MTUS2: variants seen among roughly 807,000 people sequenced by gnomAD.
MTUS2 encodes microtubule-associated tumor suppressor candidate 2.
A neutral mutation model predicts 114.1 loss-of-function variants in MTUS2; 40 were observed. That is an observed-to-expected ratio of 0.35 (90% CI 0.27 to 0.46). The LOEUF is 0.46. Ranked by LOEUF, MTUS2 falls within the 20% of genes least tolerant of loss-of-function variation. The pLI is 1.00. For synonymous variants in MTUS2, 688 were observed against 672.0 expected (o/e 1.02, Z -0.37); for missense variants, 1,679 against 1,705.4 (o/e 0.98, Z 0.27).
At chr13:29,101,936 C>T (rs1890436180) in intron 5 of MTUS2, among the ~76,000 whole-genome samples, 1 of 152,184 alleles carries the variant, frequency 6.6e-6, no homozygotes, top group African/African-American at 2.4e-5. Context: ...AAATTTTGGT[C>T]TACCTAGTTA....
chr13:29,423,258 C>T (rs1373214987), intron 8 of MTUS2, among the ~76,000 whole-genome samples: 4 of 152,234 alleles, frequency 2.6e-5, no homozygotes, highest in Non-Finnish European at 4.4e-5. Flanking sequence ...GACATTTTGT[C>T]TATGGGAAGG....
chr13:28,959,069 T>C (rs1055357668), intron 2 of MTUS2, among the ~76,000 whole-genome samples: 2 of 152,080 alleles, frequency 1.3e-5, no homozygotes, highest in African/African-American at 2.4e-5. Flanking sequence ...GCTTCTTGCC[T>C]CATCTGTCTC....
chr13:29,254,781 CTCTG>C (rs1566093286), intron 5 of MTUS2, among the ~76,000 whole-genome samples: 1 of 152,198 alleles, frequency 6.6e-6, no homozygotes. Flanking sequence ...ACACTGCCAG[CTCTG>C]ATTACATCCA....
chr13:29,468,571 A>G (rs1013186864), intron 9 of MTUS2, among the ~76,000 whole-genome samples: 4 of 149,620 alleles, frequency 2.7e-5, no homozygotes, highest in African/African-American at 1.0e-4. Flanking sequence ...ACAGGGTGAG[A>G]CCCTGTCTCA....
At chr13:28,981,327 A>G (rs752788742) in intron 2 of MTUS2, among the ~76,000 whole-genome samples, 1 of 152,242 alleles carries the variant, frequency 6.6e-6, no homozygotes, top group African/African-American at 2.4e-5. Flanking sequence ...GTATGATTTT[A>G]TTCATAAAGA....
intron 2 of MTUS2, among the ~76,000 whole-genome samples, chr13:28,915,611 G>A (rs181534660): frequency 6.6e-6 from 1 of 151,886 alleles, no homozygotes; most frequent in Admixed American, 6.6e-5. Flanking sequence ...GAAAAATGTT[G>A]ATTCAGGTCT....
chr13:29,457,403 T>C (rs1053376149), intron 9 of MTUS2, among the ~76,000 whole-genome samples: 1 of 141,448 alleles, frequency 7.1e-6, no homozygotes, highest in African/African-American at 2.7e-5. Context: ...GTATATATTC[T>C]TCTGTGTCTG....
At chr13:28,927,775 T>G (rs1593306988) in intron 2 of MTUS2, among the ~76,000 whole-genome samples, 1 of 152,134 alleles carries the variant, frequency 6.6e-6, no homozygotes, top group Non-Finnish European at 1.5e-5. Flanking sequence ...AGTTAAAAAT[T>G]TATATGTAAC....
chr13:29,495,002 T>G (rs1593517138), intron 12 of MTUS2, among the ~76,000 whole-genome samples: 1 of 151,464 alleles, frequency 6.6e-6, no homozygotes, highest in East Asian at 2.0e-4. Context: ...CTGGACAACA[T>G]GGTAAAACCC....
At chr13:29,158,358 C>CCCCTCT in intron 5 of MTUS2, among the ~76,000 whole-genome samples, 1 of 32,048 alleles carries the variant, frequency 3.1e-5, no homozygotes, top group Non-Finnish European at 5.1e-5. Flanking sequence ...GTCCACCCCG[C>CCCCTCT]TTTTTTTTTT....
At chr13:29,034,284 C>T (rs891330252) in intron 4 of MTUS2, among the ~76,000 whole-genome samples, 159 bp downstream of exon 4, 1 of 152,284 alleles carries the variant, frequency 6.6e-6, no homozygotes, top group East Asian at 1.9e-4. Context: ...TTGTGAAACT[C>T]ATCTGTGTGC....
chr13:29,484,984 C>T (rs554247404), intron 10 of MTUS2: 2 of 152,236 alleles, frequency 1.3e-5, no homozygotes, highest in Non-Finnish European at 2.9e-5. Context: ...TTCCATAGAA[C>T]GAGGACTACT....
chr13:29,205,742 T>A (rs527265545), intron 5 of MTUS2, among the ~76,000 whole-genome samples: 2 of 152,346 alleles, frequency 1.3e-5, no homozygotes, highest in South Asian at 4.1e-4. Flanking sequence ...CATTATTTCA[T>A]TTCTTTTTAA....
chr13:29,456,170 A>G (rs1211595434), intron 9 of MTUS2, among the ~76,000 whole-genome samples: 1 of 152,198 alleles, frequency 6.6e-6, no homozygotes, highest in Non-Finnish European at 1.5e-5. Context: ...ACTATTATAA[A>G]AGAACCAAAT....
chr13:29,153,563 A>G (rs2139047660), intron 5 of MTUS2, among the ~76,000 whole-genome samples: 1 of 152,260 alleles, frequency 6.6e-6, no homozygotes, highest in South Asian at 2.1e-4. Flanking sequence ...CAGGAGGGGA[A>G]GGATGGCTGG....
At chr13:29,269,222 T>A (rs1205363015) in intron 5 of MTUS2, among the ~76,000 whole-genome samples, 1 of 151,924 alleles carries the variant, frequency 6.6e-6, no homozygotes, top group Non-Finnish European at 1.5e-5. Flanking sequence ...CATAACTCAA[T>A]CTCTTCCTGG....
At chr13:29,078,606 A>C (rs1364060625) in intron 4 of MTUS2, among the ~76,000 whole-genome samples, 2 of 152,240 alleles carry the variant, frequency 1.3e-5, no homozygotes, top group Admixed American at 6.5e-5. Context: ...TCACAGTCCC[A>C]AAAAGAAAGA....
intron 8 of MTUS2, among the ~76,000 whole-genome samples, chr13:29,436,479 G>A (rs1877417609): frequency 6.6e-6 from 1 of 152,356 alleles, no homozygotes; most frequent in South Asian, 2.1e-4. Flanking sequence ...GTGGTGGACA[G>A]CATGAATCAC....
At chr13:28,935,531 T>G (rs1881857466) in intron 2 of MTUS2, among the ~76,000 whole-genome samples, 1 of 152,122 alleles carries the variant, frequency 6.6e-6, no homozygotes, top group African/African-American at 2.4e-5. Flanking sequence ...ATAGTTCCAT[T>G]ATACACATAT....
Sources: allele counts gnomAD v4.1 joint callset (sites outside exome capture counted in the v4.1 genomes callset), GRCh38; gene constraint gnomAD v4.1.1; transcripts MANE v1.5; gene names NCBI Gene and HGNC (gene_info 2026-07-23, HGNC 2026-07-21).